NRG2: variants seen among roughly 807,000 people sequenced by gnomAD.
The protein encoded by NRG2 is pro-neuregulin-2, membrane-bound isoform.
Under a neutral mutation model 73.9 loss-of-function variants are expected in NRG2, and 27 were observed. The ratio of observed to expected loss-of-function variants is 0.37; its 90% CI spans 0.27 to 0.50. The LOEUF (loss-of-function observed/expected upper bound fraction) is 0.50. Among genes scored for constraint, NRG2 ranks in the 20% least tolerant of loss-of-function variants. The pLI, the probability that NRG2 is intolerant of heterozygous loss-of-function variation, is 0.96. For missense variants in NRG2, 1,126 were observed against 1,210.1 expected (o/e 0.93, Z 1.03); for synonymous variants, 532 against 541.0 (o/e 0.98, Z 0.23).
chr5:139,953,725 C>T (rs1041552270), intron 1 of NRG2, among the ~76,000 whole-genome samples: 2 of 152,234 alleles, frequency 1.3e-5, no homozygotes, highest in East Asian at 1.9e-4. Context: ...TTCTGTTCAT[C>T]GTAGGAGGGC....
intron 1 of NRG2, among the ~76,000 whole-genome samples, chr5:139,981,660 T>C (rs1756810922): frequency 6.6e-6 from 1 of 152,190 alleles, no homozygotes; most frequent in Admixed American, 6.5e-5. Flanking sequence ...TAGAACTCCA[T>C]CTAGGGTTCC....
intron 1 of NRG2, among the ~76,000 whole-genome samples, chr5:139,990,010 G>T (rs543018110): frequency 6.6e-6 from 1 of 151,252 alleles, no homozygotes. Context: ...GGATGGTCTT[G>T]ATCTCCTGAC....
chr5:140,024,631 A>G (rs184889861), intron 1 of NRG2, among the ~76,000 whole-genome samples: 12 of 152,274 alleles, frequency 7.9e-5, no homozygotes, highest in African/African-American at 2.2e-4. Context: ...TCAACTCTTC[A>G]TCATTTCCCC....
At chr5:139,936,125 A>G (rs1752838832) in intron 1 of NRG2, among the ~76,000 whole-genome samples, 1 of 152,064 alleles carries the variant, frequency 6.6e-6, no homozygotes, top group Non-Finnish European at 1.5e-5. Flanking sequence ...TTAAGCAACT[A>G]GAAAAACAGA....
In NRG2 at chr5:139,904,765, C is replaced by A. The variant is rs985087014; in HGVS notation, c.701-17254G>T. On this transcript the variant is annotated intron_variant, in intron 1 of 9. Coordinates refer to ENST00000361474, the MANE Select transcript of NRG2 (RefSeq NM_004883.3). This position sits in a 1 kb window ranked among gnomAD's most constrained non-coding sequence, Gnocchi z 6.0. Reference sequence around the variant, plus strand: ...GGAGGGCGGAGTAGAGATCCCCCAGCGAGGGCCAGGCTAAGGACAGCATGG... The same window carrying A: ...GGAGGGCGGAGTAGAGATCCCCCAGAGAGGGCCAGGCTAAGGACAGCATGG... Among the ~76,000 whole-genome samples the A allele has an allele frequency of 1.3e-5, 2 of 152,136 alleles. No homozygotes were observed. The highest frequency in any genetic ancestry group is 2.4e-5 in the African/African-American group (1 of 41,434).
Position 139,855,788 on chromosome 5 carries a change from T to G in NRG2, c.1190-10A>C. ...TACAGCTCCTCGGCTTCTGCAGAGG[T>G]AGGGTAGATGTGAGGGGTGGGGCAG... On this transcript the variant is annotated splice_polypyrimidine_tract_variant and intron_variant, in intron 5 of 9. Coordinates refer to ENST00000361474, the MANE Select transcript of NRG2 (RefSeq NM_004883.3). The G allele has an allele frequency of 6.2e-7, 1 of 1,607,154 alleles. No homozygotes were observed. Among genetic ancestry groups the G allele is most frequent in the Non-Finnish European group, 8.5e-7 (1 of 1,173,950 alleles).
Position 140,042,949 on chromosome 5 carries a change from T to TGCTGCTGCTGCTGCCGCTCTC in NRG2, c.120_121insGAGAGCGGCAGCAGCAGCAGC (p.Ser40_Ser41insGluSerGlySerSerSerSer), listed in dbSNP as rs755892351. 7.5e-7 allele frequency: 1 copy of TGCTGCTGCTGCTGCCGCTCTC among 1,339,966 alleles called. No homozygotes were observed. Among genetic ancestry groups the TGCTGCTGCTGCTGCCGCTCTC allele is most frequent in the Non-Finnish European group, 1.0e-6 (1 of 989,930 alleles). 83.0% of individuals were successfully genotyped at this position (1,339,966 alleles called of 1,614,324 possible). ...CTCCTGCTGCTGCTGCCGCTCTCGC[T>TGCTGCTGCTGCTGCCGCTCTC]GCTGCTGCTGCTGCTGCTGCTGCTC... On this transcript the variant is annotated inframe_insertion, in exon 1 of 10. Coordinates refer to ENST00000361474, the MANE Select transcript of NRG2 (RefSeq NM_004883.3).
intron 1 of NRG2, among the ~76,000 whole-genome samples, chr5:139,898,816 T>G (rs1176406700): frequency 1.3e-5 from 2 of 152,220 alleles, no homozygotes; most frequent in African/African-American, 4.8e-5. Context: ...GAAAATCCAC[T>G]GTTTGGCAGC....
chr5:139,979,949 G>A (rs965924911), intron 1 of NRG2, among the ~76,000 whole-genome samples: 2 of 152,108 alleles, frequency 1.3e-5, no homozygotes, highest in African/African-American at 2.4e-5. Context: ...TAATATAAGA[G>A]GCCATGTGTG....
Position 139,894,163 on chromosome 5 carries a change from G to A in NRG2, c.701-6652C>T, listed in dbSNP as rs1354794834. The stretch of plus-strand genomic sequence containing the variant: ...AGAGCAAGACAGACGCTCAGGACAT[G>A]GCTGGGCAACCCAGCCAGGGAGGAC... On this transcript the variant is annotated intron_variant, in intron 1 of 9. Coordinates refer to ENST00000361474, the MANE Select transcript of NRG2 (RefSeq NM_004883.3). The surrounding 1 kb of genome is among the most constrained non-coding windows in gnomAD (Gnocchi z 5.0). Among the ~76,000 whole-genome samples the A allele has an allele frequency of 6.6e-6, 1 of 152,204 alleles. No homozygotes were observed. Among genetic ancestry groups the A allele is most frequent in the African/African-American group, 2.4e-5 (1 of 41,456 alleles).
At chr5:139,881,617 G>A (rs1266356530) in intron 2 of NRG2, among the ~76,000 whole-genome samples, 1 of 152,208 alleles carries the variant, frequency 6.6e-6, no homozygotes, top group African/African-American at 2.4e-5. Context: ...AAAAGATCCT[G>A]GACTTGATCC....
chr5:139,940,148 A>G (rs1284710895), intron 1 of NRG2, among the ~76,000 whole-genome samples: 5 of 152,256 alleles, frequency 3.3e-5, no homozygotes, highest in African/African-American at 1.2e-4. Context: ...AGATTTGTCC[A>G]CAAATGTTCA....
chr5:140,038,788 T>G (rs1006451213), intron 1 of NRG2, among the ~76,000 whole-genome samples: 1 of 152,132 alleles, frequency 6.6e-6, no homozygotes, highest in Non-Finnish European at 1.5e-5. Context: ...CAAGAAATAA[T>G]GACATTAGGG....
At chr5:139,978,998 A>C (rs1049835635) in intron 1 of NRG2, among the ~76,000 whole-genome samples, 1 of 148,334 alleles carries the variant, frequency 6.7e-6, no homozygotes, top group African/African-American at 2.5e-5. Context: ...AAAAAACCAA[A>C]CACCGCGTGT....
chr5:139,867,762 C>CTGTGTGTGTGTGTGTGTGTG (rs367771225), intron 4 of NRG2, among the ~76,000 whole-genome samples: 2 of 128,774 alleles, frequency 1.6e-5, no homozygotes, highest in Admixed American at 7.8e-5. Flanking sequence ...GAAGGGAAAC[C>CTGTGTGTGTGTGTGTGTGTG]TGTGTGTGTG....
At chr5:139,942,353 T>G (rs1192126877) in intron 1 of NRG2, among the ~76,000 whole-genome samples, 4 of 152,246 alleles carry the variant, frequency 2.6e-5, no homozygotes, top group Non-Finnish European at 1.5e-5. Flanking sequence ...AAACATTTTA[T>G]GTTTTCATAA....
chr5:139,901,029 G>A (rs1224866849), intron 1 of NRG2, among the ~76,000 whole-genome samples: 2 of 152,236 alleles, frequency 1.3e-5, no homozygotes, highest in Non-Finnish European at 2.9e-5. Context: ...TTTTAAGGGG[G>A]ACTATACCCT....
chr5:139,848,302 G>A lies in NRG2; in HGVS notation c.2168C>T (p.Pro723Leu), dbSNP rs1761149398. 8.6e-7 allele frequency: 1 copy of A among 1,165,120 alleles called. No individual in the cohort carries two copies. The highest frequency in any genetic ancestry group is 1.6e-5 in the African/African-American group (1 of 61,412). 72.2% of individuals were successfully genotyped at this position (1,165,120 alleles called of 1,614,324 possible). The change falls in exon 10 of 10, where the codon CCG becomes CTG. Residue 723 changes from proline (P) to leucine (L), a missense_variant. Pro to Leu is a moderately conservative substitution (Grantham distance 98). Transcript: ENST00000361474. Reference protein sequence around the residue: ...YETTQECAPPPPPRPRARGAS... With the variant: ...YETTQECAPPLPPRPRARGAS... ...ACCGCGCGCGCGCGGCCGCGGCGGC[G>A]GCGGGGGCGCGCACTCCTGCGTGGT... is the stretch of plus-strand genomic sequence containing the variant.
rs148726788 is a variant in NRG2 at position 139,853,429 on chromosome 5, G to T, written c.1293-402C>A. On this transcript the variant is annotated intron_variant, in intron 6 of 9. Coordinates refer to ENST00000361474, the MANE Select transcript of NRG2 (RefSeq NM_004883.3). The surrounding 1 kb of genome is among the most constrained non-coding windows in gnomAD (Gnocchi z 4.1). Reference sequence around the variant, plus strand: ...TCTCTCTCCCTCATTCATTAATTTGGTATGTATTGAGTTATCACTATGTGC... The same window carrying T: ...TCTCTCTCCCTCATTCATTAATTTGTTATGTATTGAGTTATCACTATGTGC... Among the ~76,000 whole-genome samples, 412 of 152,218 alleles carry T rather than the reference G, an allele frequency of 2.7e-3. No homozygotes were observed. Among genetic ancestry groups the T allele is most frequent in the African/African-American group, 9.6e-3 (397 of 41,504 alleles).
Sources: gnomAD v4.1 joint callset for allele counts (sites outside exome capture counted in the v4.1 genomes callset) on GRCh38, gnomAD v4.1.1 for gene constraint, Gnocchi (gnomAD v3.1) non-coding constraint, MANE v1.5 for transcripts, NCBI Gene and HGNC (gene_info 2026-07-23, HGNC 2026-07-21) for gene names.